Variants in ASIC2 observed in about 807,000 individuals in gnomAD.
The protein encoded by ASIC2 is acid sensing ion channel subunit 2, also known as acid-sensing ion channel 2.
In ASIC2, 25 loss-of-function variants were observed where a neutral mutation model predicts 57.3. The observed-to-expected ratio is 0.44, with a 90% confidence interval of 0.32 to 0.61. ASIC2 has a LOEUF of 0.61. Among genes scored for constraint, ASIC2 ranks in the 20% least tolerant of loss-of-function variants. ASIC2 has a pLI of 0.06. For missense variants in ASIC2, 641 were observed against 738.1 expected (o/e 0.87, Z 1.52); for synonymous variants, 319 against 307.5 (o/e 1.04, Z -0.39).
At chr17:34,130,974 C>T (rs1911936480) in intron 1 of ASIC2, among the ~76,000 whole-genome samples, 1 of 152,114 alleles carries the variant, frequency 6.6e-6, no homozygotes, top group South Asian at 2.1e-4. Context: ...ATCGAGAAAG[C>T]CTTCGCGGAA....
At chr17:34,137,574 G>T (rs376734940) in intron 1 of ASIC2, among the ~76,000 whole-genome samples, 2 of 152,196 alleles carry the variant, frequency 1.3e-5, no homozygotes, top group African/African-American at 4.8e-5. Context: ...CTTTGTGTCC[G>T]TTGGGTGTTT....
At chr17:33,775,336 A>G (rs948520127) in intron 1 of ASIC2, among the ~76,000 whole-genome samples, 1 of 152,226 alleles carries the variant, frequency 6.6e-6, no homozygotes. Context: ...CCAGGCACAG[A>G]GGATGCAGCA....
At chr17:33,311,670 A>G (rs1247088995) in intron 1 of ASIC2, among the ~76,000 whole-genome samples, 3 of 152,176 alleles carry the variant, frequency 2.0e-5, no homozygotes, top group Non-Finnish European at 2.9e-5. Flanking sequence ...GTAGCAGCCC[A>G]AGGTGCAGGT....
chr17:33,112,668 A>G (rs1475625328), intron 1 of ASIC2: 1 of 152,236 alleles, frequency 6.6e-6, no homozygotes, highest in Non-Finnish European at 1.5e-5. Context: ...AGCAGAGCCT[A>G]TCAATAACCT....
intron 1 of ASIC2, among the ~76,000 whole-genome samples, chr17:33,145,121 T>C (rs1227711368): frequency 6.6e-6 from 1 of 152,252 alleles, no homozygotes; most frequent in East Asian, 1.9e-4. Flanking sequence ...AACCCTTCTA[T>C]GTTCTTCTTT....
intron 1 of ASIC2, among the ~76,000 whole-genome samples, chr17:33,268,584 G>A (rs181608990): frequency 6.6e-6 from 1 of 152,294 alleles, no homozygotes; most frequent in African/African-American, 2.4e-5. Flanking sequence ...ACACAACACA[G>A]GTGTTCCAGT....
At chr17:33,974,171 G>A (rs536915311) in intron 1 of ASIC2, among the ~76,000 whole-genome samples, 19 of 152,090 alleles carry the variant, frequency 1.2e-4, no homozygotes, top group South Asian at 6.2e-4. Context: ...TCTGGGAAGT[G>A]GAAAGCAGTC....
intron 1 of ASIC2, among the ~76,000 whole-genome samples, chr17:33,438,997 C>T (rs1911729975): frequency 6.6e-6 from 1 of 152,140 alleles, no homozygotes; most frequent in South Asian, 2.1e-4. Flanking sequence ...GCATTTGCCA[C>T]AATGCCCAGC....
At chr17:34,068,510 C>T (rs2142065847) in intron 1 of ASIC2, among the ~76,000 whole-genome samples, 1 of 152,276 alleles carries the variant, frequency 6.6e-6, no homozygotes, top group South Asian at 2.1e-4. Context: ...TCCAATCCCA[C>T]CTCTGCCACT....
At chr17:34,009,755 C>T (rs562409164) in intron 1 of ASIC2, among the ~76,000 whole-genome samples, 6 of 152,156 alleles carry the variant, frequency 3.9e-5, no homozygotes, top group African/African-American at 1.4e-4. Context: ...TCAGCTCTTG[C>T]CCATCTCATT....
At chr17:33,461,376 C>T (rs1301006531) in intron 1 of ASIC2, among the ~76,000 whole-genome samples, 1 of 152,178 alleles carries the variant, frequency 6.6e-6, no homozygotes, top group Non-Finnish European at 1.5e-5. Context: ...CATGCAGGCA[C>T]ATTCTTGGGC....
At position 34,039,623 on chromosome 17, in the gene ASIC2, T is replaced by C. The variant is rs1908027894; in HGVS notation, c.555+116355A>G. 1.9e-6 allele frequency: 3 copies of C among 1,613,426 alleles called. No homozygotes were observed. The African/African-American group carries it at 4.0e-5, about 22-fold the overall frequency. On this transcript the variant is annotated intron_variant, in intron 1 of 9. Coordinates refer to the ASIC2 transcript ENST00000359872. ...CCAGCAAACTCAAAGTAATCACTAA[T>C]TTTATGTCCCCTAGGAGTGCCTTTC...
intron 1 of ASIC2, among the ~76,000 whole-genome samples, chr17:33,447,124 G>T (rs571716190): frequency 6.6e-6 from 1 of 152,302 alleles, no homozygotes; most frequent in Non-Finnish European, 1.5e-5. Context: ...TTTATTTTCT[G>T]CCTGCCTTCG....
At chr17:33,956,246 C>G (rs2141988547) in intron 1 of ASIC2, among the ~76,000 whole-genome samples, 1 of 152,318 alleles carries the variant, frequency 6.6e-6, no homozygotes, top group South Asian at 2.1e-4. Context: ...AGAAGAGTTT[C>G]CACCATTCAG....
At chr17:33,516,121 A>G (rs1914558779) in intron 1 of ASIC2, among the ~76,000 whole-genome samples, 1 of 151,482 alleles carries the variant, frequency 6.6e-6, no homozygotes, top group Admixed American at 6.6e-5. Flanking sequence ...AAAACAAAAC[A>G]AAACAAAACA....
intron 1 of ASIC2, among the ~76,000 whole-genome samples, chr17:33,594,220 C>G (rs545379313): frequency 6.6e-6 from 1 of 152,250 alleles, no homozygotes; most frequent in Admixed American, 6.5e-5. Flanking sequence ...GGCCATCTAT[C>G]AGATGGCTGA....
intron 1 of ASIC2, among the ~76,000 whole-genome samples, chr17:33,867,105 T>C (rs889928353): frequency 6.6e-6 from 1 of 152,236 alleles, no homozygotes; most frequent in African/African-American, 2.4e-5. Flanking sequence ...GCAGAAGTTC[T>C]GCAATGGAGA....
chr17:33,630,308 C>T (rs1940726644), intron 1 of ASIC2, among the ~76,000 whole-genome samples: 1 of 152,160 alleles, frequency 6.6e-6, no homozygotes, highest in Admixed American at 6.5e-5. Context: ...TTCTGTAGGT[C>T]CTGGTTCACA....
intron 1 of ASIC2, among the ~76,000 whole-genome samples, chr17:33,909,632 C>T (rs767575129): frequency 1.2e-4 from 19 of 152,232 alleles, no homozygotes; most frequent in African/African-American, 3.4e-4. Flanking sequence ...CCCTGGAGTC[C>T]GAAGCTCCTG....
Sources: gnomAD v4.1 joint callset for allele counts (sites outside exome capture counted in the v4.1 genomes callset) on GRCh38, gnomAD v4.1.1 for gene constraint, MANE v1.5 for transcripts, NCBI Gene and HGNC (gene_info 2026-07-23, HGNC 2026-07-21) for gene names.